The following GNAQ variants were observed in gnomAD, a reference collection of about 807,000 sequenced individuals.
The protein encoded by GNAQ is G protein subunit alpha q, also known as guanine nucleotide-binding protein G(q) subunit alpha.
In GNAQ, 8 loss-of-function variants were observed where a neutral mutation model predicts 43.9. The ratio of observed to expected loss-of-function variants is 0.18; its 90% CI spans 0.11 to 0.33. GNAQ has a LOEUF of 0.33. Ranked by LOEUF, GNAQ falls within the 10% of genes least tolerant of loss-of-function variation. The pLI, the probability that GNAQ is intolerant of heterozygous loss-of-function variation, is 1.00. For missense variants in GNAQ, 158 were observed against 450.8 expected (o/e 0.35, Z 5.88); for synonymous variants, 155 against 170.7 (o/e 0.91, Z 0.71).
At chr9:78,018,597 A>C (rs1033917118) in intron 1 of GNAQ, among the ~76,000 whole-genome samples, 15 of 152,182 alleles carry the variant, frequency 9.9e-5, no homozygotes, top group African/African-American at 3.4e-4. Context: ...TCAGAACATT[A>C]AGTGGAAGAA....
At position 77,789,882 on chromosome 9, in the gene GNAQ, G is replaced by A. The variant is rs1826540592; in HGVS notation, c.735+4581C>T. Among the ~76,000 whole-genome samples, 3 of 151,970 alleles carry A rather than the reference G, an allele frequency of 2.0e-5. No homozygotes were observed. The South Asian group carries it at 6.2e-4, about 32-fold the overall frequency. ...GGTCTCTGGTTCAAACTCATAATTG[G>A]GTAATCAGAAAACTTCCTTCTAGCG... is the stretch of plus-strand genomic sequence containing the variant. On this transcript the variant is annotated intron_variant, in intron 5 of 6. Transcript: ENST00000286548.
chr9:77,928,098 A>G (rs917292109), intron 1 of GNAQ, among the ~76,000 whole-genome samples: 1 of 152,236 alleles, frequency 6.6e-6, no homozygotes, highest in African/African-American at 2.4e-5. Context: ...CTGCAAAGAA[A>G]AAAGTATTCA....
chr9:77,850,070 C>T (rs1827648657), intron 2 of GNAQ, among the ~76,000 whole-genome samples: 1 of 152,244 alleles, frequency 6.6e-6, no homozygotes, highest in Non-Finnish European at 1.5e-5. Flanking sequence ...CAGGCTTTCA[C>T]CTAAGCTCTA....
intron 1 of GNAQ, among the ~76,000 whole-genome samples, chr9:77,934,493 G>A (rs1265121163): frequency 1.3e-5 from 2 of 151,972 alleles, no homozygotes; most frequent in African/African-American, 4.8e-5. Flanking sequence ...TCAAGGTAGG[G>A]GAATTAAGGT....
chr9:78,025,968 T>TA (rs1295675088), intron 1 of GNAQ, among the ~76,000 whole-genome samples: 1 of 152,180 alleles, frequency 6.6e-6, no homozygotes, highest in Non-Finnish European at 1.5e-5. Context: ...TTTCAGGTCC[T>TA]AAAAAATTCA....
chr9:77,761,848 TGG>T (rs559843582), intron 5 of GNAQ, among the ~76,000 whole-genome samples: 1 of 24,886 alleles, frequency 4.0e-5, no homozygotes, highest in Non-Finnish European at 8.6e-5. Context: ...GGGAGGGAGG[TGG>T]GGGGGGTCAG....
chr9:78,011,743 C>T (rs551674597), intron 1 of GNAQ, among the ~76,000 whole-genome samples: 2 of 152,088 alleles, frequency 1.3e-5, no homozygotes, highest in South Asian at 2.1e-4. Context: ...GCATTGCAGA[C>T]AAGAGATTTG....
At chr9:77,743,731 T>G (rs1825690098) in intron 5 of GNAQ, among the ~76,000 whole-genome samples, 1 of 152,214 alleles carries the variant, frequency 6.6e-6, no homozygotes, top group South Asian at 2.1e-4. Flanking sequence ...GTTTATAAGC[T>G]GTACGGTTTT....
At chr9:77,944,042 T>C (rs1829352589) in intron 1 of GNAQ, among the ~76,000 whole-genome samples, 1 of 151,610 alleles carries the variant, frequency 6.6e-6, no homozygotes, top group African/African-American at 2.4e-5. Context: ...GAACATTCAA[T>C]AGTGAGAAAA....
At chr9:77,906,795 C>T (rs1828716821) in intron 2 of GNAQ, among the ~76,000 whole-genome samples, 1 of 152,144 alleles carries the variant, frequency 6.6e-6, no homozygotes, top group Non-Finnish European at 1.5e-5. Flanking sequence ...AACTCCAAAC[C>T]TCAATGGGGG....
rs574611312 is a variant in GNAQ at position 77,878,639 on chromosome 9, T to C, written c.321+43522A>G. Reference sequence around the variant, plus strand: ...AAAGAAAACCGGGTAATAAGGTTCCTGAAAAAAAAAAGAGAAGAGGGTAAA... The same window carrying C: ...AAAGAAAACCGGGTAATAAGGTTCCCGAAAAAAAAAAGAGAAGAGGGTAAA... On this transcript the variant is annotated intron_variant, in intron 2 of 6. Transcript: ENST00000286548. Among the ~76,000 whole-genome samples, 13 of 151,136 alleles carry C rather than the reference T, an allele frequency of 8.6e-5. No homozygotes were observed. The South Asian group carries it at 2.7e-3, about 31-fold the overall frequency.
rs781093085 is a variant in GNAQ, at chr9:77,980,897, A to G, written c.136+50203T>C. Among the ~76,000 whole-genome samples, 3 of 152,202 alleles carry G rather than the reference A, an allele frequency of 2.0e-5. No individual in the cohort carries two copies. The South Asian group carries it at 6.2e-4, about 31-fold the overall frequency. ...TTCAAGCTCCACCTCTCACAGTTCT[A>G]TGAATTTTATTCTCTGGAATCTAAA... On this transcript the variant is annotated intron_variant, in intron 1 of 6. Coordinates refer to ENST00000286548, the MANE Select transcript of GNAQ (RefSeq NM_002072.5).
chr9:77,980,289 A>G (rs1823353267), intron 1 of GNAQ, among the ~76,000 whole-genome samples: 1 of 152,248 alleles, frequency 6.6e-6, no homozygotes, highest in African/African-American at 2.4e-5. Flanking sequence ...GAGTAACACC[A>G]GATCTTGCAT....
intron 2 of GNAQ, among the ~76,000 whole-genome samples, chr9:77,855,763 C>A (rs1454436167): frequency 9.8e-5 from 14 of 143,056 alleles, no homozygotes; most frequent in African/African-American, 3.6e-4. Context: ...AATGAACTCT[C>A]AAAAAAAAAA....
intron 2 of GNAQ, among the ~76,000 whole-genome samples, chr9:77,847,810 G>A (rs1211793273): frequency 6.6e-6 from 1 of 152,198 alleles, no homozygotes; most frequent in Non-Finnish European, 1.5e-5. Flanking sequence ...GAACCAGTCA[G>A]CATTCTGCTC....
At chr9:77,873,138 A>G (rs1167692047) in intron 2 of GNAQ, among the ~76,000 whole-genome samples, 1 of 152,212 alleles carries the variant, frequency 6.6e-6, no homozygotes, top group Non-Finnish European at 1.5e-5. Context: ...CAACCCACTT[A>G]GCTGAAGCTA....
intron 5 of GNAQ, among the ~76,000 whole-genome samples, chr9:77,766,544 TGA>T (rs928373634): frequency 6.6e-6 from 1 of 152,178 alleles, no homozygotes; most frequent in Non-Finnish European, 1.5e-5. Flanking sequence ...TGATTTTCTT[TGA>T]GTTTGATCCA....
chr9:77,734,653 T>C (rs1316962279), intron 5 of GNAQ, among the ~76,000 whole-genome samples: 2 of 152,120 alleles, frequency 1.3e-5, no homozygotes, highest in Non-Finnish European at 2.9e-5. Flanking sequence ...TTGAGTGACC[T>C]TGAGTGATCT....
chr9:77,887,113 C>G (rs1458494445), intron 2 of GNAQ, among the ~76,000 whole-genome samples: 1 of 151,986 alleles, frequency 6.6e-6, no homozygotes, highest in African/African-American at 2.4e-5. Flanking sequence ...CACAGAGAGA[C>G]TCTGTCTCTA....
Sources: gnomAD v4.1 joint callset for allele counts (sites outside exome capture counted in the v4.1 genomes callset) on GRCh38, gnomAD v4.1.1 for gene constraint, MANE v1.5 for transcripts, NCBI Gene and HGNC (gene_info 2026-07-23, HGNC 2026-07-21) for gene names.